The following WNK2 variants were observed in gnomAD, a reference collection of about 807,000 sequenced individuals.
The protein encoded by WNK2 is serine/threonine-protein kinase WNK2.
WNK2 carries 67 observed loss-of-function variants against 192.1 expected under a neutral mutation model. That is an observed-to-expected ratio of 0.35 (90% CI 0.29 to 0.43). WNK2 has a LOEUF of 0.43. Ranked by LOEUF, WNK2 falls within the 20% of genes least tolerant of loss-of-function variation. The pLI is 1.00. For missense variants in WNK2, 2,698 were observed against 3,089.7 expected (o/e 0.87, Z 3.01); for synonymous variants, 1,439 against 1,393.9 (o/e 1.03, Z -0.72).
chr9:93,233,627 G>A (rs1475263675), intron 4 of WNK2, among the ~76,000 whole-genome samples: 2 of 151,616 alleles, frequency 1.3e-5, no homozygotes, highest in African/African-American at 4.9e-5. Flanking sequence ...GAACCTGGGT[G>A]GGAGATGGAG....
At chr9:93,221,371 C>T (rs990440638) in intron 2 of WNK2, among the ~76,000 whole-genome samples, 13 of 152,170 alleles carry the variant, frequency 8.5e-5, no homozygotes, top group African/African-American at 2.4e-4. Flanking sequence ...AAGTTTTGTA[C>T]GTGCTCAAGG....
rs753662833 is a variant in WNK2 at position 93,288,920 on chromosome 9, C to G, written c.4166C>G (p.Pro1389Arg). 9 of 1,606,912 alleles carry G rather than the reference C, an allele frequency of 5.6e-6. No individual in the cohort carries two copies. Among genetic ancestry groups the G allele is most frequent in the African/African-American group, 1.3e-5 (1 of 74,818 alleles). Residue 1389 changes from proline (P) to arginine (R), a missense_variant, in exon 20 of 30, where the codon CCT becomes CGT. Around this residue, in one of 7 missense-constraint regions of WNK2, gnomAD observed 1,098 missense variants for 1,101.0 expected, o/e 1.00. Coordinates refer to ENST00000427277, the MANE Select transcript of WNK2 (RefSeq NM_006648.4). Reference protein sequence around the residue: ...APPAPLAPSSPPVTALPQDGA... With the variant: ...APPAPLAPSSRPVTALPQDGA... ...CCAGCCCCTTTGGCCCCCTCCTCCCCTCCTGTGACTGCTCTGCCCCAAGAT... is the reference window on the plus strand; with the variant it reads ...CCAGCCCCTTTGGCCCCCTCCTCCCGTCCTGTGACTGCTCTGCCCCAAGAT...
intron 16 of WNK2, among the ~76,000 whole-genome samples, chr9:93,265,535 T>C (rs1404240323): frequency 1.3e-5 from 2 of 152,208 alleles, no homozygotes; most frequent in African/African-American, 4.8e-5. Flanking sequence ...AAGCAGCTGG[T>C]TCGTCAGCGC....
rs758007920 is a variant in WNK2, at chr9:93,267,879, C to T, written c.3830C>T (p.Pro1277Leu). ...CGTGGCTCCGACCCAGGGACCAGCC[C>T]GCCACACCTCAGCACCTGCGGCCTG... Reference protein sequence around the residue: ...ADRGSDPGTSPPHLSTCGLGT... With the variant: ...ADRGSDPGTSLPHLSTCGLGT... The change falls in exon 17 of 30, where the codon CCG (proline) becomes CTG (leucine). Residue 1277 changes from proline to leucine, a missense_variant. This residue lies in a region of WNK2 where 1,098 missense variants were observed against 1,101.0 expected (regional missense o/e 1.00). Coordinates refer to ENST00000427277, the MANE Select transcript of WNK2 (RefSeq NM_006648.4). The T allele has an allele frequency of 5.3e-5, 85 of 1,612,626 alleles. No homozygotes were observed. The highest frequency in any genetic ancestry group is 5.1e-4 in the South Asian group (46 of 90,820).
chr9:93,189,978 C>T (rs920541649), intron 2 of WNK2, among the ~76,000 whole-genome samples: 2 of 152,228 alleles, frequency 1.3e-5, no homozygotes. Flanking sequence ...GCAAGACAAT[C>T]AGAAGGCTTG....
At position 93,288,846 on chromosome 9, in the gene WNK2, T is replaced by C. The variant is rs369611938; in HGVS notation, c.4092T>C (p.Ser1364=). The change falls in exon 20 of 30, where the codon AGT becomes AGC. Residue 1364 remains serine (S), a synonymous_variant. Transcript: ENST00000427277. ...AGGAACAACCCAGCTTTCTAGCCAG[T>C]CAGCAGCTCCTGAGCCAGGCGGGCC... The part of the protein sequence containing the change: ...SSKEQPSFLA[S]QQLLSQAGPS... The C allele has an allele frequency of 2.6e-5, 42 of 1,612,384 alleles. No individual in the cohort carries two copies. The African/African-American group carries it at 5.3e-4, about 20-fold the overall frequency.
rs1215934470 is a variant in WNK2, at chr9:93,263,619, G to T, written c.3464G>T (p.Gly1155Val). The change falls in exon 15 of 30, where the codon GGC becomes GTC. Residue 1155 changes from glycine (G) to valine (V), a missense_variant. Gly to Val is a moderately radical substitution (Grantham distance 109). Coordinates refer to ENST00000427277, the MANE Select transcript of WNK2 (RefSeq NM_006648.4). Reference sequence around the variant, plus strand: ...AAAGAGCTGAGTGACAGCTGTGAAGGCGCCTTTGGAGGGGGCAGGCTGGAG... The same window carrying T: ...AAAGAGCTGAGTGACAGCTGTGAAGTCGCCTTTGGAGGGGGCAGGCTGGAG... ...SGKELSDSCE[G>V]AFGGGRLEGR... 6.2e-7 allele frequency: 1 copy of T among 1,610,092 alleles called. No individual in the cohort carries two copies. The highest frequency in any genetic ancestry group is 1.1e-5 in the South Asian group (1 of 90,216).
At chr9:93,214,694 A>G (rs1314932761) in intron 2 of WNK2, among the ~76,000 whole-genome samples, 20 of 51,044 alleles carry the variant, frequency 3.9e-4, no homozygotes, top group East Asian at 1.6e-3. Flanking sequence ...CTTTGAAGGT[A>G]GTGCCCCCCC....
intron 18 of WNK2, among the ~76,000 whole-genome samples, 179 bp from the exon 19 acceptor site, chr9:93,268,448 G>A (rs538484073): frequency 6.6e-6 from 1 of 152,172 alleles, no homozygotes; most frequent in Non-Finnish European, 1.5e-5. Context: ...GTGGAGGGAA[G>A]CGTTGGGGAT....
intron 7 of WNK2, among the ~76,000 whole-genome samples, chr9:93,240,720 T>A (rs1020784809): frequency 6.6e-6 from 1 of 152,074 alleles, no homozygotes; most frequent in Non-Finnish European, 1.5e-5. Flanking sequence ...GGGAATTGTG[T>A]GGGATGTGGG....
At chr9:93,236,852 A>G (rs1839894865) in intron 5 of WNK2, among the ~76,000 whole-genome samples, 2 of 152,258 alleles carry the variant, frequency 1.3e-5, no homozygotes, top group South Asian at 4.1e-4. Context: ...GAGGCATCCC[A>G]TCCACCGCAT....
chr9:93,267,913 G>C lies in WNK2; in HGVS notation c.3864G>C (p.Gly1288=). ...TCAGCACCTGCGGCCTGGGCACCGG[G>C]GAGGTGAGGTTGTGAAATCCGGGGT... The part of the protein sequence containing the change: ...PHLSTCGLGT[G]EESRQSQANA... Residue 1288 remains glycine (G), a synonymous_variant, in exon 17 of 30, where the codon GGG becomes GGC. Coordinates refer to ENST00000427277, the MANE Select transcript of WNK2 (RefSeq NM_006648.4). The C allele has an allele frequency of 6.2e-7, 1 of 1,612,198 alleles. No individual in the cohort carries two copies. Among genetic ancestry groups the C allele is most frequent in the Non-Finnish European group, 8.5e-7 (1 of 1,179,228 alleles).
At chr9:93,189,074 A>T (rs1030786261) in intron 2 of WNK2, among the ~76,000 whole-genome samples, 1 of 152,088 alleles carries the variant, frequency 6.6e-6, no homozygotes. Context: ...GGTTGAGAAA[A>T]CATAGCCAAC....
chr9:93,186,995 T>C lies in WNK2; in HGVS notation c.681+1385T>C, dbSNP rs141127685. Among the ~76,000 whole-genome samples, 62 of 152,200 alleles carry C rather than the reference T, an allele frequency of 4.1e-4. 1 individual carries two copies. In the East Asian group the frequency reaches 0.012, roughly 29 times the overall value. ...CCTGGGGTGTGCTGGGCATTCCTGC[T>C]GCAAGGGAAAGCAGAGAGAAGAGAG... On this transcript the variant is annotated intron_variant, in intron 2 of 29. Transcript: ENST00000427277.
At position 93,256,327 on chromosome 9, in the gene WNK2, C is replaced by T; in HGVS notation, c.2063C>T (p.Ala688Val). 6.3e-7 allele frequency: 1 copy of T among 1,580,204 alleles called. No individual in the cohort carries two copies. The highest frequency in any genetic ancestry group is 8.5e-7 in the Non-Finnish European group (1 of 1,169,968). Residue 688 changes from alanine to valine, a missense_variant, in exon 10 of 30, where the codon GCC (alanine) becomes GTC (valine). Around this residue, in one of 7 missense-constraint regions of WNK2, gnomAD observed 893 missense variants for 909.0 expected, o/e 0.98. Transcript: ENST00000427277. ...GGCTTGCCGGTGGGCTCTGTCCCGG[C>T]CCCCGCCTGCCCTCCGTCCCTCCAG... Reference protein sequence around the residue: ...APGLPVGSVPAPACPPSLQQH... With the variant: ...APGLPVGSVPVPACPPSLQQH...
At chr9:93,302,977 G>A (rs1037792594) in intron 26 of WNK2, among the ~76,000 whole-genome samples, 138 of 151,868 alleles carry the variant, frequency 9.1e-4, no homozygotes, top group African/African-American at 3.2e-3. Context: ...GGAGTGCAGC[G>A]GCAAGATCTC....
At chr9:93,295,292 G>A (rs1024983496) in intron 23 of WNK2, among the ~76,000 whole-genome samples, 4 of 152,176 alleles carry the variant, frequency 2.6e-5, no homozygotes, top group Non-Finnish European at 5.9e-5. Flanking sequence ...TGCCCACGCA[G>A]CCGCTCCCCA....
intron 3 of WNK2, 131 bp from the exon 4 acceptor site, chr9:93,230,757 C>T: frequency 1.2e-6 from 1 of 844,472 alleles, no homozygotes; most frequent in Non-Finnish European, 1.8e-6. Flanking sequence ...ACCTTCACTA[C>T]CTGTCACGGG....
At position 93,212,548 on chromosome 9, in the gene WNK2, C is replaced by T. The variant is rs74876048; in HGVS notation, c.682-17148C>T. ...TATGGCCCCCAGAGTGGCCTGTGGT[C>T]GGGGCACATGATGGGGAGGCAGCCA... On this transcript the variant is annotated intron_variant, in intron 2 of 29. Transcript: ENST00000427277. 8.0e-3 allele frequency among the ~76,000 whole-genome samples: 1,221 copies of T among 152,318 alleles called. 13 individuals are homozygous for T. Among genetic ancestry groups the T allele is most frequent in the Middle Eastern group, 0.014 (4 of 294 alleles).
Sources: gnomAD v4.1 joint callset for allele counts (sites outside exome capture counted in the v4.1 genomes callset) on GRCh38, gnomAD v4.1.1 for gene constraint, gnomAD v4.1.1 regional missense constraint, MANE v1.5 for transcripts, NCBI Gene and HGNC (gene_info 2026-07-23, HGNC 2026-07-21) for gene names.